Variants in WNK2 observed in about 807,000 individuals in gnomAD.
WNK2 encodes WNK lysine deficient protein kinase 2.
WNK2 carries 67 observed loss-of-function variants against 192.1 expected under a neutral mutation model. That is an observed-to-expected ratio of 0.35 (90% CI 0.29 to 0.43). WNK2 has a LOEUF of 0.43. Ranked by LOEUF, WNK2 falls within the 20% of genes least tolerant of loss-of-function variation. The probability of loss-of-function intolerance (pLI) is 1.00; values close to 1 mark genes in which losing one functional copy is unlikely to be tolerated. For synonymous variants in WNK2, 1,439 were observed against 1,393.9 expected, an observed-to-expected ratio of 1.03 and a Z score of -0.72; for missense variants, 2,698 against 3,089.7, an observed-to-expected ratio of 0.87 and a Z score of 3.01.
At chr9:93,312,827 G>A (rs933493352) in intron 28 of WNK2, among the ~76,000 whole-genome samples, 3 of 152,122 alleles carry the variant, frequency 2.0e-5, no homozygotes, top group Non-Finnish European at 4.4e-5. Context: ...CTCCTCTCCT[G>A]TGACTCCCGT....
Position 93,299,185 on chromosome 9 carries a change from C to T in WNK2, c.6039C>T (p.Pro2013=), listed in dbSNP as rs1358793905. The T allele has an allele frequency of 6.2e-7, 1 of 1,607,862 alleles. No homozygotes were observed. Among genetic ancestry groups the T allele is most frequent in the Non-Finnish European group, 8.5e-7 (1 of 1,176,084 alleles). ...LSGKAVQTQQ[P]CSVRASLSSD... The stretch of plus-strand genomic sequence containing the variant: ...GGAAGGCAGTGCAGACCCAGCAGCC[C>T]TGCTCCGTCCGGGCCTCCCTGTCTT... Residue 2013 remains proline (P), a synonymous_variant, in exon 25 of 30, where the codon CCC becomes CCT. Transcript: ENST00000427277.
intron 27 of WNK2, chr9:93,307,383 C>T (rs1236656944): frequency 2.0e-5 from 3 of 152,422 alleles, no homozygotes; most frequent in Non-Finnish European, 4.4e-5. Flanking sequence ...AAGTCCACTA[C>T]ATTTTGGGAC....
At position 93,229,921 on chromosome 9, in the gene WNK2, A is replaced by G. The variant is rs1267384141; in HGVS notation, c.854+53A>G. 2 of 1,584,052 alleles carry G rather than the reference A, an allele frequency of 1.3e-6. No individual in the cohort carries two copies. ...CGGGTCCTGGCATGGGTGCAGGGCT[A>G]CCATAGCTGAGGGTGAGGTCTTGGG... On this transcript the variant is annotated intron_variant, in intron 3 of 29. Coordinates refer to ENST00000427277, the MANE Select transcript of WNK2 (RefSeq NM_006648.4). This position sits in a 1 kb window ranked among gnomAD's most constrained non-coding sequence, Gnocchi z 4.9.
chr9:93,229,120 G>A lies in WNK2; in HGVS notation c.682-576G>A, dbSNP rs201897987. 4.6e-5 allele frequency among the ~76,000 whole-genome samples: 7 copies of A among 152,292 alleles called. No individual in the cohort carries two copies. In the East Asian group the frequency reaches 1.4e-3, roughly 29 times the overall value. On this transcript the variant is annotated intron_variant, in intron 2 of 29. Coordinates refer to ENST00000427277, the MANE Select transcript of WNK2 (RefSeq NM_006648.4). This position sits in a 1 kb window ranked among gnomAD's most constrained non-coding sequence, Gnocchi z 4.9. ...TTCTGCTGGCTTGTGCAGACACAGT[G>A]GCCCAAGGGTCTGGGGAGGTGTCTG...
At chr9:93,280,808 GTT>G (rs1415022392) in intron 19 of WNK2, among the ~76,000 whole-genome samples, 1 of 152,274 alleles carries the variant, frequency 6.6e-6, no homozygotes, top group African/African-American at 2.4e-5. Flanking sequence ...TAAAGAACCT[GTT>G]TTTTCTCTAA....
chr9:93,238,942 AC>A (rs1294197822), intron 6 of WNK2, among the ~76,000 whole-genome samples: 1 of 151,768 alleles, frequency 6.6e-6, no homozygotes, highest in Non-Finnish European at 1.5e-5. Flanking sequence ...CTGACGTGAC[AC>A]CCCTCAGCAG....
chr9:93,281,677 A>G (rs1171309618), intron 19 of WNK2, among the ~76,000 whole-genome samples: 1 of 152,318 alleles, frequency 6.6e-6, no homozygotes, highest in East Asian at 1.9e-4. Flanking sequence ...AGAAACTTCC[A>G]AACTCTGTAA....
chr9:93,184,395 G>A lies in WNK2; in HGVS notation c.-3+10G>A, dbSNP rs534089147. ...GGCGTCCGCTCGCCCTGTGAGTGCC[G>A]AGCCTCCCCTCAACGCCGCTCGCCG... On this transcript the variant is annotated intron_variant, in intron 1 of 29. Coordinates refer to ENST00000427277, the MANE Select transcript of WNK2 (RefSeq NM_006648.4). Among the ~76,000 whole-genome samples, 3 of 151,078 alleles carry A rather than the reference G, an allele frequency of 2.0e-5. No individual in the cohort carries two copies. The highest frequency in any genetic ancestry group is 3.0e-5 in the Non-Finnish European group (2 of 67,676).
chr9:93,308,251 A>T, intron 27 of WNK2, 77 bp from the exon 28 acceptor site: 1 of 1,495,208 alleles, frequency 6.7e-7, no homozygotes. Context: ...GTCACGTAAG[A>T]ATGAATGCGG....
intron 2 of WNK2, among the ~76,000 whole-genome samples, chr9:93,207,694 C>G (rs574549390): frequency 4.5e-4 from 69 of 152,380 alleles, no homozygotes; most frequent in Middle Eastern, 3.4e-3. Flanking sequence ...ACTGTCAGTG[C>G]TCTGCTGCTG....
At chr9:93,256,787 T>A in intron 10 of WNK2, 161 bp from the exon 11 acceptor site, 1 of 724,914 alleles carries the variant, frequency 1.4e-6, no homozygotes, top group Non-Finnish European at 2.2e-6. Flanking sequence ...TGAATGTGTA[T>A]ACGTGTGACT....
At chr9:93,209,033 C>T (rs1237111184) in intron 2 of WNK2, among the ~76,000 whole-genome samples, 1 of 152,102 alleles carries the variant, frequency 6.6e-6, no homozygotes, top group Non-Finnish European at 1.5e-5. Flanking sequence ...ATGATCGGAC[C>T]AAGAGGTTGC....
Position 93,320,422 on chromosome 9 carries a change from C to T in WNK2, c.*30C>T, listed in dbSNP as rs1855311042. ...GCCTAGACGCCAGGCCCACTTCACG[C>T]CGTCTAAGTGGAGAAGTGACGGACC... On this transcript the variant is annotated 3_prime_UTR_variant, in exon 30 of 30. Transcript: ENST00000427277. 7.3e-7 allele frequency: 1 copy of T among 1,367,504 alleles called. No individual in the cohort carries two copies. Among genetic ancestry groups the T allele is most frequent in the Admixed American group, 1.9e-5 (1 of 52,568 alleles). The allele number at this position is 1,367,504 out of a possible 1,614,324, so 84.7% of individuals were successfully genotyped here.
At chr9:93,207,299 C>G (rs1833576569) in intron 2 of WNK2, among the ~76,000 whole-genome samples, 1 of 152,220 alleles carries the variant, frequency 6.6e-6, no homozygotes, top group Non-Finnish European at 1.5e-5. Flanking sequence ...TCGGATAGCA[C>G]TCCTAAGTTG....
At position 93,292,580 on chromosome 9, in the gene WNK2, G is replaced by T. The variant is rs55812206; in HGVS notation, c.5115G>T (p.Pro1705=). The change falls in exon 23 of 30, where the codon CCG becomes CCT. Residue 1705 remains proline, a synonymous_variant. Coordinates refer to ENST00000427277, the MANE Select transcript of WNK2 (RefSeq NM_006648.4). Reference sequence around the variant, plus strand: ...GAGAAAGCTCGGCAGAGCCCCCGCCGAGTGACATGGGCACAGTGGGGGGCC... The same window carrying T: ...GAGAAAGCTCGGCAGAGCCCCCGCCTAGTGACATGGGCACAGTGGGGGGCC... ...EAGESSAEPP[P]SDMGTVGGQA... is the part of the protein sequence containing the mutation. 31 of 1,573,484 alleles carry T rather than the reference G, an allele frequency of 2.0e-5. No homozygotes were observed. Among genetic ancestry groups the T allele is most frequent in the Non-Finnish European group, 2.6e-5 (30 of 1,157,642 alleles).
chr9:93,230,289 C>A (rs79309333), intron 3 of WNK2, among the ~76,000 whole-genome samples: 23,622 of 152,094 alleles, frequency 0.16, 2,082 homozygotes, highest in East Asian at 0.26. Flanking sequence ...CTGCCTGGTG[C>A]TGTATCCTGG....
intron 28 of WNK2, among the ~76,000 whole-genome samples, chr9:93,314,380 C>A (rs1854225085): frequency 6.8e-6 from 1 of 146,410 alleles, no homozygotes; most frequent in African/African-American, 2.6e-5. Flanking sequence ...CCCAGGAGGT[C>A]AAGGCTGCAG....
intron 1 of WNK2, among the ~76,000 whole-genome samples, chr9:93,184,648 C>T (rs1054407572): frequency 2.0e-5 from 3 of 151,834 alleles, no homozygotes; most frequent in East Asian, 3.9e-4. Flanking sequence ...TCAGGGACAC[C>T]CTAGCAGGTC....
intron 19 of WNK2, among the ~76,000 whole-genome samples, chr9:93,271,915 T>C (rs4744209): frequency 0.85 from 129,816 of 152,208 alleles, 57,321 homozygotes; most frequent in East Asian, 1. Context: ...AACAGTGATT[T>C]GAGTGACTAT....
Sources: gnomAD v4.1 joint callset for allele counts (sites outside exome capture counted in the v4.1 genomes callset) on GRCh38, gnomAD v4.1.1 for gene constraint, Gnocchi (gnomAD v3.1) non-coding constraint, MANE v1.5 for transcripts, NCBI Gene and HGNC (gene_info 2026-07-23, HGNC 2026-07-21) for gene names.